NXPE2: variants seen among roughly 807,000 people sequenced by gnomAD.
The protein encoded by NXPE2 is neurexophilin and PC-esterase domain family member 2.
Under a neutral mutation model 34.4 loss-of-function variants are expected in NXPE2, and 34 were observed. The observed-to-expected ratio is 0.99, with a 90% CI of 0.75 to 1.31. The LOEUF (loss-of-function observed/expected upper bound fraction) is 1.31, where lower values mean the gene tolerates loss of function less well. Among genes scored for constraint, NXPE2 ranks in the 40% most tolerant of loss-of-function variants. The pLI, the probability that NXPE2 is intolerant of heterozygous loss-of-function variation, is 0.00. For missense variants in NXPE2, 649 were observed against 672.5 expected, an observed-to-expected ratio of 0.97 and a Z score of 0.39; for synonymous variants, 235 against 231.3, an observed-to-expected ratio of 1.02 and a Z score of -0.15.
chr11:114,715,254 GAGGCAAAT>G, the NXPE2 span, among the ~76,000 whole-genome samples: 1 of 152,238 alleles, frequency 6.6e-6, no homozygotes, highest in East Asian at 1.9e-4. Context: ...TAATACCCAA[GAGGCAAAT>G]AGACTAATGA....
chr11:114,717,821 T>G, the NXPE2 span, among the ~76,000 whole-genome samples: 1 of 152,142 alleles, frequency 6.6e-6, no homozygotes, highest in Admixed American at 6.5e-5. Context: ...ATCTTCCTTC[T>G]AGGTTTGTTG....
At chr11:114,637,479 G>T in the NXPE2 span, among the ~76,000 whole-genome samples, 11 of 151,370 alleles carry the variant, frequency 7.3e-5, no homozygotes, top group African/African-American at 2.4e-4. Context: ...AGTTAATATT[G>T]TTATGTGTGA....
At chr11:114,541,965 T>C in the NXPE2 span, among the ~76,000 whole-genome samples, 2 of 152,192 alleles carry the variant, frequency 1.3e-5, no homozygotes, top group Non-Finnish European at 2.9e-5. Context: ...TAAGTTAAGG[T>C]CTTTTTGATT....
At chr11:114,657,192 A>T in the NXPE2 span, among the ~76,000 whole-genome samples, 987 of 152,266 alleles carry the variant, frequency 6.5e-3, 6 homozygotes, top group Non-Finnish European at 9.5e-3. Flanking sequence ...CTCCACATGG[A>T]ATTCCCCTGA....
At chr11:114,728,369 T>C in the NXPE2 span, among the ~76,000 whole-genome samples, 1 of 152,232 alleles carries the variant, frequency 6.6e-6, no homozygotes, top group Admixed American at 6.6e-5. Context: ...TAGGATCATA[T>C]AAATGTTCCT....
rs1361484700 is a variant in NXPE2, at chr11:114,706,002, T to C, written c.1144+6T>C. The C allele has an allele frequency of 1.5e-5, 18 of 1,233,732 alleles. No homozygotes were observed. The Admixed American group carries it at 4.2e-4, about 29-fold the overall frequency. The allele number at this position is 1,233,732 out of a possible 1,614,324, so 76.4% of individuals were successfully genotyped here. The stretch of plus-strand genomic sequence containing the variant: ...CTTACAAAAAGCTGTGAAAAGTATG[T>C]ATTTAATTTATATTTTGAAATTCTA... On this transcript the variant is annotated splice_donor_region_variant and intron_variant, in intron 5 of 5. Transcript: ENST00000389586.
chr11:114,475,226 G>GCTTT, the NXPE2 span, among the ~76,000 whole-genome samples: 3 of 88,070 alleles, frequency 3.4e-5, no homozygotes, highest in East Asian at 1.0e-3. Context: ...AATGTGAACT[G>GCTTT]TTTTTTTTTT....
chr11:114,742,523 C>T, the NXPE2 span, among the ~76,000 whole-genome samples: 52 of 152,080 alleles, frequency 3.4e-4, no homozygotes, highest in African/African-American at 1.2e-3. Context: ...GGAGACCTAA[C>T]GGGGTCTCTT....
the NXPE2 span, among the ~76,000 whole-genome samples, chr11:114,601,210 C>G: frequency 5.3e-5 from 8 of 151,172 alleles, no homozygotes; most frequent in African/African-American, 1.9e-4. Flanking sequence ...ATACATTTTA[C>G]CCAATAAGTA....
chr11:114,584,146 G>A, the NXPE2 span: 1 of 288,740 alleles, frequency 3.5e-6, no homozygotes, highest in Non-Finnish European at 6.8e-6. Flanking sequence ...TGTTATTGAT[G>A]GCAGAAGGTG....
chr11:114,796,435 G>A, the NXPE2 span, among the ~76,000 whole-genome samples: 4 of 152,210 alleles, frequency 2.6e-5, no homozygotes, highest in South Asian at 2.1e-4. Context: ...CTGAAAATAA[G>A]TATCAGAGAA....
At chr11:114,778,603 G>A in the NXPE2 span, among the ~76,000 whole-genome samples, 1 of 152,164 alleles carries the variant, frequency 6.6e-6, no homozygotes, top group Non-Finnish European at 1.5e-5. Context: ...GAGAGATCTG[G>A]TGGCTTGACT....
the NXPE2 span, among the ~76,000 whole-genome samples, chr11:114,589,171 G>A: frequency 2.0e-5 from 3 of 152,112 alleles, no homozygotes; most frequent in African/African-American, 4.8e-5. Flanking sequence ...CTAGCCTGTG[G>A]TGGGGACCAC....
At chr11:114,651,443 T>C in the NXPE2 span, among the ~76,000 whole-genome samples, 3 of 152,142 alleles carry the variant, frequency 2.0e-5, no homozygotes, top group Non-Finnish European at 4.4e-5. Flanking sequence ...TTACAGCTCA[T>C]AAAGGTAGTG....
the NXPE2 span, among the ~76,000 whole-genome samples, chr11:114,492,541 CTT>C: frequency 3.4e-4 from 48 of 141,312 alleles, no homozygotes; most frequent in Admixed American, 4.2e-4. Flanking sequence ...GTTTCTTTTT[CTT>C]TTTTTTTTTT....
At chr11:114,471,648 C>T in the NXPE2 span, among the ~76,000 whole-genome samples, 20,499 of 152,046 alleles carry the variant, frequency 0.13, 1,518 homozygotes, top group South Asian at 0.23. Context: ...CAAGAAAACC[C>T]GTTTAATCAA....
At chr11:114,553,693 T>C in the NXPE2 span, 4 of 984,040 alleles carry the variant, frequency 4.1e-6, no homozygotes, top group African/African-American at 7.0e-5. Flanking sequence ...CTCACCTAGA[T>C]TCTACTCCTT....
At chr11:114,550,284 G>T in the NXPE2 span, among the ~76,000 whole-genome samples, 1 of 152,114 alleles carries the variant, frequency 6.6e-6, no homozygotes, top group Non-Finnish European at 1.5e-5. Context: ...AAAGCCAAAA[G>T]TGTTGGGTGT....
chr11:114,669,142 C>T, the NXPE2 span, among the ~76,000 whole-genome samples: 1 of 152,074 alleles, frequency 6.6e-6, no homozygotes, highest in Admixed American at 6.6e-5. Flanking sequence ...GTGAGAAGCT[C>T]TGTGGACCCT....
Sources: gnomAD v4.1 joint callset for allele counts (sites outside exome capture counted in the v4.1 genomes callset) on GRCh38, gnomAD v4.1.1 for gene constraint, MANE v1.5 for transcripts, NCBI Gene and HGNC (gene_info 2026-07-23, HGNC 2026-07-21) for gene names.